CD9: variants seen among roughly 807,000 people sequenced by gnomAD.
CD9 encodes the protein CD9 antigen.
A neutral mutation model predicts 31.4 loss-of-function variants in CD9; 10 were observed. The ratio of observed to expected loss-of-function variants is 0.32; its 90% CI spans 0.20 to 0.54. The LOEUF is 0.54. Ranked by LOEUF, CD9 falls within the 20% of genes least tolerant of loss-of-function variation. The pLI is 0.94. For synonymous variants in CD9, 113 were observed against 114.1 expected (o/e 0.99, Z 0.06); for missense variants, 259 against 300.1 (o/e 0.86, Z 1.01).
chr12:6,231,848 A>T (rs1225529802), intron 2 of CD9, among the ~76,000 whole-genome samples: 2 of 152,192 alleles, frequency 1.3e-5, no homozygotes, highest in African/African-American at 4.8e-5. Flanking sequence ...CATGCTATAG[A>T]GATCTTTTGA....
intron 1 of CD9, among the ~76,000 whole-genome samples, chr12:6,216,904 T>A (rs891647659): frequency 1.3e-5 from 2 of 152,228 alleles, no homozygotes; most frequent in African/African-American, 4.8e-5. Flanking sequence ...TATTGTCATT[T>A]TTTTTCCCTA....
chr12:6,213,679 T>C (rs181515384), intron 1 of CD9, among the ~76,000 whole-genome samples: 92 of 152,270 alleles, frequency 6.0e-4, no homozygotes, highest in Admixed American at 1.2e-3. Context: ...CCCAGAGAGA[T>C]GCAGAGCCAC....
chr12:6,213,262 T>G (rs1333290178), intron 1 of CD9, among the ~76,000 whole-genome samples: 1 of 152,170 alleles, frequency 6.6e-6, no homozygotes, highest in East Asian at 1.9e-4. Context: ...TCTTCTCACT[T>G]CAGTTCATGA....
In CD9 at chr12:6,200,531, A is replaced by AAT. The variant is rs769940979; in HGVS notation, c.34_35dup (p.Leu13ThrfsTer52). ...GTCAAAGGAGGCACCAAGTGCATCA[A>AAT]ATACCTGCTGTTCGGATTTAACTTC... On this transcript the variant is annotated frameshift_variant, in exon 1 of 8. Coordinates refer to ENST00000009180, the MANE Select transcript of CD9 (RefSeq NM_001769.4). LOFTEE classifies it high-confidence loss of function. 1 of 1,611,470 alleles carries AAT rather than the reference A, an allele frequency of 6.2e-7. No individual in the cohort carries two copies. The highest frequency in any genetic ancestry group is 8.5e-7 in the Non-Finnish European group (1 of 1,178,338).
chr12:6,222,068 T>A (rs146965379), intron 1 of CD9, among the ~76,000 whole-genome samples: 1 of 151,966 alleles, frequency 6.6e-6, no homozygotes, highest in African/African-American at 2.4e-5. Flanking sequence ...AGAAAGTGAG[T>A]TCTCCTAGAA....
chr12:6,209,839 C>T (rs1363523360), intron 1 of CD9, among the ~76,000 whole-genome samples: 1 of 152,064 alleles, frequency 6.6e-6, no homozygotes, highest in East Asian at 1.9e-4. Flanking sequence ...CATGTACCAC[C>T]ATGCCCGGCT....
At chr12:6,210,713 A>G (rs1946185349) in intron 1 of CD9, among the ~76,000 whole-genome samples, 1 of 152,212 alleles carries the variant, frequency 6.6e-6, no homozygotes, top group Non-Finnish European at 1.5e-5. Flanking sequence ...AGAATAGAAG[A>G]AATGGATCAA....
chr12:6,207,232 G>C (rs1168844906), intron 1 of CD9, among the ~76,000 whole-genome samples: 1 of 152,186 alleles, frequency 6.6e-6, no homozygotes, highest in African/African-American at 2.4e-5. Flanking sequence ...TCAGTTTCCA[G>C]ACAACCCCTG....
At chr12:6,219,395 G>A (rs1038775801) in intron 1 of CD9, among the ~76,000 whole-genome samples, 11 of 152,190 alleles carry the variant, frequency 7.2e-5, no homozygotes, top group African/African-American at 2.7e-4. Context: ...CAACAGAAAG[G>A]GAAATTGTTG....
intron 1 of CD9, among the ~76,000 whole-genome samples, chr12:6,210,435 G>A (rs984564353): frequency 1.3e-5 from 2 of 152,314 alleles, no homozygotes; most frequent in South Asian, 2.1e-4. Flanking sequence ...CAAAGGCCAG[G>A]GAGAGGAAGC....
At chr12:6,215,816 A>G (rs1946237510) in intron 1 of CD9, among the ~76,000 whole-genome samples, 1 of 152,220 alleles carries the variant, frequency 6.6e-6, no homozygotes, top group South Asian at 2.1e-4. Flanking sequence ...GCCATGAGCT[A>G]TTACAGTAGT....
rs1309096470 is a variant in CD9, at chr12:6,228,107, C to T, written c.175+2573C>T. ...GTTGGGGTCTAAGGGCCACTGTCCA[C>T]TTAGCTCTGCCAGGGAAATACAGAT... On this transcript the variant is annotated intron_variant, in intron 2 of 7. Coordinates refer to ENST00000009180, the MANE Select transcript of CD9 (RefSeq NM_001769.4). 3.3e-5 allele frequency among the ~76,000 whole-genome samples: 5 copies of T among 152,238 alleles called. No homozygotes were observed. In the East Asian group the frequency reaches 9.6e-4, roughly 29 times the overall value.
At chr12:6,207,053 T>A (rs1946140475) in intron 1 of CD9, among the ~76,000 whole-genome samples, 1 of 152,136 alleles carries the variant, frequency 6.6e-6, no homozygotes, top group African/African-American at 2.4e-5. Flanking sequence ...TATACCCGGC[T>A]AATTTTTTTG....
In CD9 at chr12:6,200,523, G is replaced by C. The variant is rs776749370; in HGVS notation, c.24G>C (p.Lys8Asn). 62 of 1,611,358 alleles carry C rather than the reference G, an allele frequency of 3.8e-5. No individual in the cohort carries two copies. The highest frequency in any genetic ancestry group is 4.8e-5 in the Non-Finnish European group (57 of 1,178,274). MPVKGGT[K>N]CIKYLLFGFN... Reference sequence around the variant, plus strand: ...CCATGCCGGTCAAAGGAGGCACCAAGTGCATCAAATACCTGCTGTTCGGAT... The same window carrying C: ...CCATGCCGGTCAAAGGAGGCACCAACTGCATCAAATACCTGCTGTTCGGAT... The change falls in exon 1 of 8, where the codon AAG (lysine) becomes AAC (asparagine). Residue 8 changes from lysine to asparagine, a missense_variant. Transcript: ENST00000009180.
chr12:6,233,036 ATC>A, intron 3 of CD9: 4 of 702,222 alleles, frequency 5.7e-6, no homozygotes, highest in African/African-American at 3.5e-5. Context: ...TTGTTTCAAA[ATC>A]TGTTTTGGTC....
At chr12:6,235,839 TG>T (rs1157452551) in intron 6 of CD9, 50 of 1,375,714 alleles carry the variant, frequency 3.6e-5, no homozygotes, top group Admixed American at 9.9e-5. Flanking sequence ...TTCTGAGTCT[TG>T]GACTCCCACT....
At chr12:6,212,651 T>C (rs571389522) in intron 1 of CD9, among the ~76,000 whole-genome samples, 29 of 152,360 alleles carry the variant, frequency 1.9e-4, no homozygotes, top group African/African-American at 7.0e-4. Flanking sequence ...TGCAGGCAGC[T>C]CAAGGAATCC....
intron 1 of CD9, among the ~76,000 whole-genome samples, chr12:6,201,595 A>G (rs1018331842): frequency 1.8e-4 from 27 of 152,268 alleles, no homozygotes; most frequent in Non-Finnish European, 3.7e-4. Flanking sequence ...AGCAAGGAAT[A>G]GGAAACCCTT....
intron 1 of CD9, among the ~76,000 whole-genome samples, chr12:6,211,802 G>A (rs919263965): frequency 1.1e-4 from 17 of 152,326 alleles, no homozygotes; most frequent in Middle Eastern, 3.4e-3. Context: ...TATGCTACGC[G>A]TCTGGCAAGC....
Sources: allele counts gnomAD v4.1 joint callset (sites outside exome capture counted in the v4.1 genomes callset), GRCh38; gene constraint gnomAD v4.1.1; transcripts MANE v1.5; gene names NCBI Gene and HGNC (gene_info 2026-07-23, HGNC 2026-07-21).